Variants in WASL observed in about 807,000 individuals in gnomAD.
The protein encoded by WASL is actin nucleation-promoting factor WASL.
A neutral mutation model predicts 55.5 loss-of-function variants in WASL; 20 were observed. The ratio of observed to expected loss-of-function variants is 0.36; its 90% CI spans 0.25 to 0.52. The LOEUF (loss-of-function observed/expected upper bound fraction) is 0.52, where lower values mean the gene tolerates loss of function less well. WASL is among the 20% of genes least tolerant of loss of function. The probability of loss-of-function intolerance (pLI) is 0.92; values close to 1 mark genes in which losing one functional copy is unlikely to be tolerated. For synonymous variants in WASL, 249 were observed against 217.6 expected, an observed-to-expected ratio of 1.14 and a Z score of -1.27; for missense variants, 504 against 622.5, an observed-to-expected ratio of 0.81 and a Z score of 2.03.
Position 123,709,084 on chromosome 7 carries a change from C to A in WASL, c.252+5G>T. ...AGTTTAAAGTGAAAGCAAAACAAAA[C>A]TCACCTTAATGTCAAATATTCTTAA... On this transcript the variant is annotated splice_donor_5th_base_variant and intron_variant, in intron 2 of 10. Transcript: ENST00000223023. 6.3e-7 allele frequency: 1 copy of A among 1,594,800 alleles called. No homozygotes were observed. Among genetic ancestry groups the A allele is most frequent in the Non-Finnish European group, 8.5e-7 (1 of 1,171,720 alleles).
At chr7:123,735,937 C>G (rs556741516) in intron 1 of WASL, among the ~76,000 whole-genome samples, 2 of 151,784 alleles carry the variant, frequency 1.3e-5, no homozygotes, top group African/African-American at 4.8e-5. Context: ...TAAAACCCAG[C>G]AAGATAAAGA....
intron 1 of WASL, among the ~76,000 whole-genome samples, chr7:123,728,361 AAGAAT>A (rs1472753155): frequency 1.5e-4 from 23 of 152,310 alleles, no homozygotes; most frequent in African/African-American, 4.6e-4. Context: ...ATTGTCATAA[AAGAAT>A]AGATCAAGTC....
intron 1 of WASL, among the ~76,000 whole-genome samples, chr7:123,738,910 C>T (rs1251400339): frequency 1.3e-5 from 2 of 151,934 alleles, no homozygotes; most frequent in African/African-American, 2.4e-5. Flanking sequence ...AAAAAAAACC[C>T]AAAATCTCAA....
In WASL at chr7:123,692,425, C is replaced by T. The variant is rs1448703194; in HGVS notation, c.1269G>A (p.Glu423=). ...IREGAQLKKV[E]QNSRPVSCSG... is the part of the protein sequence containing the mutation. ...AGCAGGACACTGGCCGACTGTTCTG[C>T]TCCACTTTTTTTAGCTGAGCACCCT... Residue 423 remains glutamate (E), a synonymous_variant, in exon 9 of 11, where the codon GAG becomes GAA. Transcript: ENST00000223023. 3 of 1,614,102 alleles carry T rather than the reference C, an allele frequency of 1.9e-6. No homozygotes were observed. Among genetic ancestry groups the T allele is most frequent in the South Asian group, 2.2e-5 (2 of 91,080 alleles).
chr7:123,689,006 GTCTCTCTCTCTCTCTC>G lies in WASL; in HGVS notation c.1456+20_1456+35del, dbSNP rs3035629. ...TTAAACACACACGCACACTCTCTCT[GTCTCTCTCTCTCTCTC>G]TCTCTCTCTCTCTCTCTACCTGAAG... On this transcript the variant is annotated intron_variant, in intron 10 of 10. Transcript: ENST00000223023. 1,678 of 1,279,114 alleles carry G rather than the reference GTCTCTCTCTCTCTCTC, an allele frequency of 1.3e-3. 12 individuals are homozygous for G. In the African/African-American group the frequency reaches 0.022, roughly 17 times the overall value. The allele number at this position is 1,279,114 out of a possible 1,614,324, so 79.2% of individuals were successfully genotyped here.
intron 1 of WASL, among the ~76,000 whole-genome samples, chr7:123,709,441 C>T (rs1390955422): frequency 1.3e-5 from 2 of 152,120 alleles, no homozygotes; most frequent in African/African-American, 4.8e-5. Context: ...AATCACATAA[C>T]AATAATTACT....
At chr7:123,742,139 T>C (rs541327669) in intron 1 of WASL, among the ~76,000 whole-genome samples, 15 of 152,330 alleles carry the variant, frequency 9.8e-5, no homozygotes, top group African/African-American at 3.6e-4. Context: ...TCAAGAGCTG[T>C]GCTTTCTAAT....
At chr7:123,734,362 G>A (rs1804191335) in intron 1 of WASL, among the ~76,000 whole-genome samples, 1 of 152,018 alleles carries the variant, frequency 6.6e-6, no homozygotes, top group Non-Finnish European at 1.5e-5. Context: ...TATACAAATG[G>A]CAAATAGTCA....
At chr7:123,714,419 A>G (rs972502010) in intron 1 of WASL, among the ~76,000 whole-genome samples, 5 of 152,214 alleles carry the variant, frequency 3.3e-5, no homozygotes, top group African/African-American at 1.2e-4. Context: ...AGACTCCACA[A>G]GAAATAAATT....
intron 6 of WASL, among the ~76,000 whole-genome samples, chr7:123,696,355 T>C (rs924342758): frequency 2.0e-5 from 3 of 150,812 alleles, no homozygotes; most frequent in Non-Finnish European, 3.0e-5. Context: ...TCTTTTCTCA[T>C]AGTTGAAAAA....
chr7:123,702,067 T>C (rs1023812187), intron 5 of WASL, among the ~76,000 whole-genome samples: 3 of 152,084 alleles, frequency 2.0e-5, no homozygotes, highest in Non-Finnish European at 2.9e-5. Context: ...AATTCTTTTT[T>C]TTTTGAGACG....
intron 1 of WASL, among the ~76,000 whole-genome samples, chr7:123,723,500 G>C (rs1803987985): frequency 6.6e-6 from 1 of 152,176 alleles, no homozygotes; most frequent in Non-Finnish European, 1.5e-5. Flanking sequence ...ATTTTAATAG[G>C]ATTTTTGCTG....
At chr7:123,707,995 G>A (rs151205055) in intron 2 of WASL, among the ~76,000 whole-genome samples, 79 of 152,246 alleles carry the variant, frequency 5.2e-4, no homozygotes, top group African/African-American at 1.6e-3. Context: ...AATCCAGGCT[G>A]GGCAAAACAG....
intron 1 of WASL, among the ~76,000 whole-genome samples, chr7:123,724,407 T>C (rs1804008006): frequency 6.6e-6 from 1 of 152,206 alleles, no homozygotes; most frequent in African/African-American, 2.4e-5. Flanking sequence ...AATGTCACAC[T>C]TGATCAAGTT....
chr7:123,692,760 G>A lies in WASL; in HGVS notation c.934C>T (p.Pro312Ser). The change falls in exon 9 of 11, where the codon CCA becomes TCA. Residue 312 changes from proline (P) to serine (S), a missense_variant. Physicochemically the swap from Pro to Ser is moderately conservative, Grantham distance 74 (BLOSUM62 -1). Around this residue, in one of 5 missense-constraint regions of WASL, gnomAD observed 201 missense variants for 206.2 expected, o/e 0.97. Transcript: ENST00000223023. The part of the protein sequence containing the change: ...PPARGRGAPP[P>S]PPSRAPTAAP... ...GCTGTGGGAGCTCTTGAAGGTGGTG[G>A]GGGAGGAGCGCCTCTTCCCCTAGCA... 1.3e-6 allele frequency: 2 copies of A among 1,491,088 alleles called. No individual in the cohort carries two copies. Among genetic ancestry groups the A allele is most frequent in the Non-Finnish European group, 8.9e-7 (1 of 1,121,830 alleles). 92.4% of individuals were successfully genotyped at this position (1,491,088 alleles called of 1,614,324 possible).
chr7:123,748,254 G>A (rs964091297), intron 1 of WASL, among the ~76,000 whole-genome samples: 2 of 152,084 alleles, frequency 1.3e-5, no homozygotes, highest in African/African-American at 4.8e-5. Context: ...TGAAGCGAGA[G>A]CTAGAACAAG....
At chr7:123,733,177 A>C (rs1804169712) in intron 1 of WASL, among the ~76,000 whole-genome samples, 1 of 152,230 alleles carries the variant, frequency 6.6e-6, no homozygotes, top group Non-Finnish European at 1.5e-5. Flanking sequence ...TAACACAATA[A>C]ACGGTATACA....
In WASL at chr7:123,692,421, T is replaced by A; in HGVS notation, c.1273A>T (p.Asn425Tyr). 2 of 1,614,164 alleles carry A rather than the reference T, an allele frequency of 1.2e-6. No homozygotes were observed. The highest frequency in any genetic ancestry group is 1.7e-6 in the Non-Finnish European group (2 of 1,180,020). ...CCAGAGCAGGACACTGGCCGACTGT[T>A]CTGCTCCACTTTTTTTAGCTGAGCA... ...EGAQLKKVEQ[N>Y]SRPVSCSGRD... Residue 425 changes from asparagine to tyrosine, a missense_variant, in exon 9 of 11, where the codon AAC becomes TAC. Coordinates refer to ENST00000223023, the MANE Select transcript of WASL (RefSeq NM_003941.4).
intron 1 of WASL, among the ~76,000 whole-genome samples, chr7:123,711,816 A>G (rs1314642325): frequency 6.6e-6 from 1 of 152,174 alleles, no homozygotes; most frequent in Non-Finnish European, 1.5e-5. Context: ...AGTGCTTAGG[A>G]AGGGAAATCT....
Sources: gnomAD v4.1 joint callset for allele counts (sites outside exome capture counted in the v4.1 genomes callset) on GRCh38, gnomAD v4.1.1 for gene constraint, gnomAD v4.1.1 regional missense constraint, MANE v1.5 for transcripts, NCBI Gene and HGNC (gene_info 2026-07-23, HGNC 2026-07-21) for gene names.